CNTNAP2: variants seen among roughly 807,000 people sequenced by gnomAD.
CNTNAP2 encodes the protein contactin-associated protein-like 2.
In CNTNAP2, 98 loss-of-function variants were observed where a neutral mutation model predicts 155.2. That is an observed-to-expected ratio of 0.63 (90% CI 0.54 to 0.75). The LOEUF is 0.75. Ranked by LOEUF, CNTNAP2 falls within the 30% of genes least tolerant of loss-of-function variation. The pLI, the probability that CNTNAP2 is intolerant of heterozygous loss-of-function variation, is 0.00. For synonymous variants in CNTNAP2, 651 were observed against 631.2 expected (o/e 1.03, Z -0.47); for missense variants, 1,727 against 1,688.1 (o/e 1.02, Z -0.40).
chr7:147,340,838 A>G (rs1455053684), intron 9 of CNTNAP2, among the ~76,000 whole-genome samples: 2 of 152,032 alleles, frequency 1.3e-5, no homozygotes, highest in Middle Eastern at 3.4e-3. Flanking sequence ...CTTTTTGACT[A>G]TTGTCTAAAT....
At chr7:147,944,952 C>A (rs1800792660) in intron 14 of CNTNAP2, among the ~76,000 whole-genome samples, 1 of 152,072 alleles carries the variant, frequency 6.6e-6, no homozygotes, top group Non-Finnish European at 1.5e-5. Context: ...CTATTTGCTG[C>A]CTGCCAATTA....
intron 23 of CNTNAP2, among the ~76,000 whole-genome samples, chr7:148,410,536 C>T (rs111951292): frequency 3.3e-4 from 43 of 132,118 alleles, no homozygotes; most frequent in African/African-American, 1.2e-3. Context: ...CACTGTACTC[C>T]AGTCTAGGTG....
intron 9 of CNTNAP2, among the ~76,000 whole-genome samples, chr7:147,304,303 T>G (rs1584858923): frequency 6.6e-6 from 1 of 152,204 alleles, no homozygotes; most frequent in Non-Finnish European, 1.5e-5. Flanking sequence ...TAACATGTTT[T>G]ATTTTCCTCC....
intron 10 of CNTNAP2, among the ~76,000 whole-genome samples, chr7:147,412,619 A>G (rs1797123913): frequency 6.6e-6 from 1 of 152,178 alleles, no homozygotes; most frequent in African/African-American, 2.4e-5. Context: ...AATATGTTCT[A>G]AATACATTTT....
chr7:146,991,771 C>T (rs995495075), intron 3 of CNTNAP2, among the ~76,000 whole-genome samples: 3 of 152,122 alleles, frequency 2.0e-5, no homozygotes, highest in Non-Finnish European at 4.4e-5. Flanking sequence ...AACAACAAAA[C>T]TCAACACGAT....
At chr7:146,700,863 C>T (rs1352892199) in intron 1 of CNTNAP2, among the ~76,000 whole-genome samples, 1 of 152,066 alleles carries the variant, frequency 6.6e-6, no homozygotes, top group African/African-American at 2.4e-5. Flanking sequence ...TATAATCCAT[C>T]AAATACTGCA....
chr7:146,682,793 A>C (rs1464144749), intron 1 of CNTNAP2, among the ~76,000 whole-genome samples: 7 of 152,214 alleles, frequency 4.6e-5, no homozygotes, highest in Non-Finnish European at 1.0e-4. Context: ...TAATCGGTTA[A>C]TAGATAAGGA....
At chr7:147,297,557 T>C (rs1205039936) in intron 8 of CNTNAP2, among the ~76,000 whole-genome samples, 1 of 152,162 alleles carries the variant, frequency 6.6e-6, no homozygotes, top group Non-Finnish European at 1.5e-5. Flanking sequence ...TGCACAGAGA[T>C]CTGATGTGAG....
chr7:147,653,085 CT>C (rs1310715428), intron 13 of CNTNAP2, among the ~76,000 whole-genome samples: 2 of 152,006 alleles, frequency 1.3e-5, no homozygotes, highest in Non-Finnish European at 2.9e-5. Context: ...AAAAACATGC[CT>C]CTCTCTACAG....
At chr7:146,712,720 G>T (rs770424329) in intron 1 of CNTNAP2, among the ~76,000 whole-genome samples, 20 of 151,400 alleles carry the variant, frequency 1.3e-4, no homozygotes, top group Non-Finnish European at 2.5e-4. Flanking sequence ...ACATATCATG[G>T]CTGAATTTGG....
chr7:147,052,591 A>C (rs1301182440), intron 4 of CNTNAP2, among the ~76,000 whole-genome samples: 1 of 152,018 alleles, frequency 6.6e-6, no homozygotes, highest in Non-Finnish European at 1.5e-5. Flanking sequence ...CAAATAACTC[A>C]GTGTTTTTTT....
At chr7:146,460,975 T>C (rs1796627602) in intron 1 of CNTNAP2, among the ~76,000 whole-genome samples, 1 of 152,190 alleles carries the variant, frequency 6.6e-6, no homozygotes, top group African/African-American at 2.4e-5. Context: ...AGATCCCAAA[T>C]GTTCTCAGCA....
intron 12 of CNTNAP2, among the ~76,000 whole-genome samples, chr7:147,588,536 C>T (rs536721332): frequency 1.3e-5 from 2 of 152,244 alleles, no homozygotes; most frequent in African/African-American, 2.4e-5. Context: ...ACATATTTCC[C>T]TAGGTTTTAA....
intron 1 of CNTNAP2, among the ~76,000 whole-genome samples, chr7:146,537,222 G>T (rs777223638): frequency 2.6e-5 from 4 of 152,004 alleles, no homozygotes; most frequent in Non-Finnish European, 5.9e-5. Context: ...TTTGGAGGGA[G>T]AAAAGGTATT....
intron 10 of CNTNAP2, among the ~76,000 whole-genome samples, chr7:147,480,040 T>G (rs1442654576): frequency 6.6e-6 from 1 of 152,106 alleles, no homozygotes; most frequent in Non-Finnish European, 1.5e-5. Context: ...GAAATAAAAG[T>G]ACTCAAATAT....
At chr7:146,469,455 T>C (rs968596403) in intron 1 of CNTNAP2, among the ~76,000 whole-genome samples, 1 of 151,682 alleles carries the variant, frequency 6.6e-6, no homozygotes, top group Non-Finnish European at 1.5e-5. Context: ...AGCTCATACA[T>C]GCTCTTTCTC....
chr7:148,412,518 A>G (rs1010813227), intron 23 of CNTNAP2, among the ~76,000 whole-genome samples: 10 of 152,280 alleles, frequency 6.6e-5, no homozygotes, highest in Non-Finnish European at 1.5e-5. Flanking sequence ...TCTCTGGCAT[A>G]TAAAAGTATA....
intron 3 of CNTNAP2, among the ~76,000 whole-genome samples, chr7:146,840,266 T>G (rs1006151519): frequency 3.3e-4 from 51 of 152,304 alleles, no homozygotes; most frequent in African/African-American, 1.2e-3. Context: ...ATTGAAATTA[T>G]GAAGAATATA....
rs117182189 is a variant in CNTNAP2, at chr7:147,819,775, A to G, written c.2099-83790A>G. Among the ~76,000 whole-genome samples, 849 of 152,292 alleles carry G rather than the reference A, an allele frequency of 5.6e-3. 2 individuals carry two copies. The highest frequency in any genetic ancestry group is 8.9e-3 in the Non-Finnish European group (606 of 68,004). On this transcript the variant is annotated intron_variant, in intron 13 of 23. Coordinates refer to ENST00000361727, the MANE Select transcript of CNTNAP2 (RefSeq NM_014141.6). ...TTCATTTCACCTGTTGTGGAATTTTATAGAAATAGAGTAATACAGAATATA... is the reference window on the plus strand; with the variant it reads ...TTCATTTCACCTGTTGTGGAATTTTGTAGAAATAGAGTAATACAGAATATA...
Sources: gnomAD v4.1 joint callset for allele counts (sites outside exome capture counted in the v4.1 genomes callset) on GRCh38, gnomAD v4.1.1 for gene constraint, MANE v1.5 for transcripts, NCBI Gene and HGNC (gene_info 2026-07-23, HGNC 2026-07-21) for gene names.